ZNF821: variants seen among roughly 807,000 people sequenced by gnomAD.
ZNF821 encodes the protein zinc finger protein 821.
A neutral mutation model predicts 44.3 loss-of-function variants in ZNF821; 16 were observed. The ratio of observed to expected loss-of-function variants is 0.36; its 90% CI spans 0.24 to 0.55. The LOEUF (loss-of-function observed/expected upper bound fraction) is 0.55, where lower values mean the gene tolerates loss of function less well. ZNF821 is among the 20% of genes least tolerant of loss of function. ZNF821 has a pLI of 0.86. For missense variants in ZNF821, 436 were observed against 547.6 expected, an observed-to-expected ratio of 0.80 and a Z score of 2.03; for synonymous variants, 204 against 197.6, an observed-to-expected ratio of 1.03 and a Z score of -0.27.
At chr16:71,861,016 C>T (rs1381669833) in intron 7 of ZNF821, among the ~76,000 whole-genome samples, 3 of 152,124 alleles carry the variant, frequency 2.0e-5, no homozygotes, top group Non-Finnish European at 2.9e-5. Context: ...CCACCACGCC[C>T]GGCTAATTTT....
Position 71,860,788 on chromosome 16 carries a change from A to T in ZNF821, c.585-116T>A. ...GGCTCCACGCTCACCACAAGGGGTCAGTTTGAATGCTTGGTGGACCTCTTC... is the reference window on the plus strand; with the variant it reads ...GGCTCCACGCTCACCACAAGGGGTCTGTTTGAATGCTTGGTGGACCTCTTC... On this transcript the variant is annotated intron_variant, in intron 7 of 7. Coordinates refer to ENST00000425432, the MANE Select transcript of ZNF821 (RefSeq NM_001201552.2). The surrounding 1 kb of genome is among the most constrained non-coding windows in gnomAD (Gnocchi z 7.3). 9.9e-7 allele frequency: 1 copy of T among 1,006,796 alleles called. No individual in the cohort carries two copies. Among genetic ancestry groups the T allele is most frequent in the African/African-American group, 1.6e-5 (1 of 61,402 alleles). 62.4% of individuals were successfully genotyped at this position (1,006,796 alleles called of 1,614,324 possible). A position where few individuals can be genotyped will look rare whatever the true frequency, so the allele number is the denominator to read the frequency against.
At chr16:71,873,944 C>T (rs1013349975) in intron 3 of ZNF821, among the ~76,000 whole-genome samples, 1 of 148,822 alleles carries the variant, frequency 6.7e-6, no homozygotes. Context: ...TGAGCGACCA[C>T]GCCCGGCTGG....
chr16:71,885,454 C>T (rs187677590), upstream of ZNF821: 5 of 152,358 alleles, frequency 3.3e-5, no homozygotes, highest in East Asian at 9.6e-4. Context: ...CTGGCCTTTA[C>T]TCTCCGAGGG....
chr16:71,886,614 C>G (rs941085071), upstream of ZNF821, among the ~76,000 whole-genome samples: 1 of 152,114 alleles, frequency 6.6e-6, no homozygotes, highest in Non-Finnish European at 1.5e-5. Context: ...TATATTCCAA[C>G]AATAAAGGTA....
At chr16:71,892,462 GT>G (rs1276474029) in intron 1 of ZNF821, among the ~76,000 whole-genome samples, 1 of 150,932 alleles carries the variant, frequency 6.6e-6, no homozygotes, top group African/African-American at 2.4e-5. Context: ...TAGAGACGGG[GT>G]TTCACCGTGT....
chr16:71,883,424 AGACAAGAGCCT>A (rs1402480475), intron 1 of ZNF821, 151 bp from the exon 2 acceptor site: 3 of 348,430 alleles, frequency 8.6e-6, no homozygotes, highest in Non-Finnish European at 1.7e-5. Flanking sequence ...AGGAATTACC[AGACAAGAGCCT>A]GACAAGAGCC....
chr16:71,876,969 T>C (rs953499876), intron 3 of ZNF821, among the ~76,000 whole-genome samples: 1 of 152,210 alleles, frequency 6.6e-6, no homozygotes, highest in African/African-American at 2.4e-5. Context: ...TTTGCTGTTT[T>C]AGCAGCAATT....
chr16:71,861,454 C>G (rs1049125756), intron 7 of ZNF821, among the ~76,000 whole-genome samples: 2 of 152,216 alleles, frequency 1.3e-5, no homozygotes, highest in African/African-American at 4.8e-5. Flanking sequence ...CTTCCTAGGA[C>G]ACGATGGAGA....
At chr16:71,869,470 T>C (rs1015881318) in intron 3 of ZNF821, among the ~76,000 whole-genome samples, 2 of 152,210 alleles carry the variant, frequency 1.3e-5, no homozygotes, top group African/African-American at 4.8e-5. Context: ...TAATAATAGT[T>C]TGACACTTGC....
intron 1 of ZNF821, chr16:71,894,719 A>C: frequency 9.9e-6 from 3 of 301,552 alleles, no homozygotes; most frequent in South Asian, 1.2e-4. Flanking sequence ...TTTTTTTTGT[A>C]GCGATGCGGT....
At chr16:71,866,139 AAG>A (rs1567412098) in intron 4 of ZNF821, among the ~76,000 whole-genome samples, 1 of 152,192 alleles carries the variant, frequency 6.6e-6, no homozygotes, top group African/African-American at 2.4e-5. Context: ...TGATGTGAGC[AAG>A]AGAGAAATAT....
At chr16:71,886,144 A>C (rs969078975), upstream of ZNF821, among the ~76,000 whole-genome samples, 4 of 152,246 alleles carry the variant, frequency 2.6e-5, no homozygotes, top group Admixed American at 2.6e-4. Flanking sequence ...ATGAGATGAT[A>C]ATAATGCTAT....
upstream of ZNF821, among the ~76,000 whole-genome samples, chr16:71,889,679 A>G (rs757775993): frequency 4.6e-5 from 7 of 152,088 alleles, no homozygotes; most frequent in Admixed American, 3.9e-4. Context: ...GTCTCAAAAA[A>G]CAAAACAAAA....
intron 1 of ZNF821, among the ~76,000 whole-genome samples, chr16:71,890,033 T>C (rs886361279): frequency 6.6e-6 from 1 of 152,156 alleles, no homozygotes; most frequent in Non-Finnish European, 1.5e-5. Flanking sequence ...CAGCCTGAAA[T>C]TGAGATAATG....
At chr16:71,893,860 G>C (rs2036913061) in intron 1 of ZNF821, 1 of 146,728 alleles carries the variant, frequency 6.8e-6, no homozygotes, top group East Asian at 2.0e-4. Flanking sequence ...TCCGCCTTCT[G>C]GGTTCAAGCG....
chr16:71,885,929 C>T (rs2036836957), upstream of ZNF821, among the ~76,000 whole-genome samples: 1 of 152,162 alleles, frequency 6.6e-6, no homozygotes, highest in African/African-American at 2.4e-5. Flanking sequence ...TACACACTGG[C>T]TTTTATATTT....
intron 3 of ZNF821, among the ~76,000 whole-genome samples, chr16:71,873,047 C>G (rs1257425361): frequency 6.6e-6 from 1 of 152,166 alleles, no homozygotes; most frequent in Non-Finnish European, 1.5e-5. Flanking sequence ...CAGGGCTGGG[C>G]GAGGTGGCTC....
At chr16:71,872,539 G>A (rs1040280429) in intron 3 of ZNF821, among the ~76,000 whole-genome samples, 1 of 152,158 alleles carries the variant, frequency 6.6e-6, no homozygotes, top group Non-Finnish European at 1.5e-5. Flanking sequence ...AGTGAACTCA[G>A]GAGGTGGAGC....
rs1292557145 is a variant in ZNF821, at chr16:71,892,152, T to C, written n.448+2737A>G. 3.7e-5 allele frequency among the ~76,000 whole-genome samples: 3 copies of C among 81,392 alleles called. No individual in the cohort carries two copies. In the East Asian group the frequency reaches 1.7e-3, roughly 46 times the overall value. The allele number at this position is 81,392 out of a possible 152,430, so 53.4% of individuals were successfully genotyped here. ...GAGATCGCGCCATTGCACTCCAGCC[T>C]GGGCAACAAGAGAGAAACTCCGTCT... On this transcript the variant is annotated intron_variant and non_coding_transcript_variant, in intron 1 of 2. Transcript: ENST00000561700.
Sources: allele counts gnomAD v4.1 joint callset (sites outside exome capture counted in the v4.1 genomes callset), GRCh38; gene constraint gnomAD v4.1.1; non-coding constraint Gnocchi (gnomAD v3.1); transcripts MANE v1.5; gene names NCBI Gene and HGNC (gene_info 2026-07-23, HGNC 2026-07-21).